The following HIP1 variants were observed in gnomAD, a reference collection of about 807,000 sequenced individuals.
HIP1 encodes the protein huntingtin-interacting protein 1.
Under a neutral mutation model 147.6 loss-of-function variants are expected in HIP1, and 65 were observed. That is an observed-to-expected ratio of 0.44 (90% CI 0.36 to 0.54). The LOEUF (loss-of-function observed/expected upper bound fraction) is 0.54. Among genes scored for constraint, HIP1 ranks in the 20% least tolerant of loss-of-function variants. The probability of loss-of-function intolerance (pLI) is 0.00; values close to 1 mark genes in which losing one functional copy is unlikely to be tolerated. For synonymous variants in HIP1, 479 were observed against 504.0 expected (o/e 0.95, Z 0.67); for missense variants, 1,061 against 1,299.6 (o/e 0.82, Z 2.82).
At chr7:75,691,886 G>A (rs1312808912) in intron 1 of HIP1, among the ~76,000 whole-genome samples, 5 of 152,138 alleles carry the variant, frequency 3.3e-5, no homozygotes, top group Non-Finnish European at 7.4e-5. Flanking sequence ...AGGGGACAGA[G>A]GAATAGGGAG....
At chr7:75,665,929 A>T (rs1554514569) in intron 1 of HIP1, among the ~76,000 whole-genome samples, 1 of 152,044 alleles carries the variant, frequency 6.6e-6, no homozygotes, top group Non-Finnish European at 1.5e-5. Flanking sequence ...TGGCAATGTG[A>T]AAAAAACCAA....
At chr7:75,551,613 ACT>A (rs1794786359) in intron 22 of HIP1, among the ~76,000 whole-genome samples, 1 of 151,778 alleles carries the variant, frequency 6.6e-6, no homozygotes, top group African/African-American at 2.4e-5. Flanking sequence ...TGCAGAGTAC[ACT>A]CTGCAATTCA....
At position 75,664,010 on chromosome 7, in the gene HIP1, A is replaced by ATATATACACATATATGTG. The variant is rs1255819281; in HGVS notation, c.121-64781_121-64764dup. ...TATATATATACACATATATGTGTAT[A>ATATATACACATATATGTG]TATATACACATATATGTGTATATAT... On this transcript the variant is annotated intron_variant, in intron 1 of 30. Transcript: ENST00000336926. 2.7e-4 allele frequency among the ~76,000 whole-genome samples: 7 copies of ATATATACACATATATGTG among 26,274 alleles called. 1 individual carries two copies. The highest frequency in any genetic ancestry group is 1.4e-3 in the African/African-American group (3 of 2,144). 17.2% of individuals were successfully genotyped at this position (26,274 alleles called of 152,430 possible).
intron 1 of HIP1, among the ~76,000 whole-genome samples, chr7:75,616,085 C>CAAAAAAAAA (rs71098042): frequency 0.13 from 4,686 of 35,008 alleles, 707 homozygotes; most frequent in Non-Finnish European, 0.19. Flanking sequence ...GACTCTGTCT[C>CAAAAAAAAA]AAAAAAAAAA....
At position 75,533,431 on chromosome 7, in the gene HIP1, T is replaced by C. The variant is rs1793976100; in HGVS notation, c.*4741A>G. ...CCAGTGGCCACCTGCCCTGGGAAGG[T>C]AGGCACTCAGTGAAAAATGAAATTC... is the stretch of plus-strand genomic sequence containing the variant. On this transcript the variant is annotated 3_prime_UTR_variant, in exon 31 of 31. Coordinates refer to ENST00000336926, the MANE Select transcript of HIP1 (RefSeq NM_005338.7). The C allele has an allele frequency of 4.3e-6, 1 of 231,516 alleles. No individual in the cohort carries two copies. The highest frequency in any genetic ancestry group is 6.1e-5 in the East Asian group (1 of 16,306). The allele number at this position is 231,516 out of a possible 1,614,324, so 14.3% of individuals were successfully genotyped here. A position where few individuals can be genotyped will look rare whatever the true frequency, so the allele number is the denominator to read the frequency against.
chr7:75,575,019 G>T (rs1381559882), intron 7 of HIP1, among the ~76,000 whole-genome samples: 1 of 151,814 alleles, frequency 6.6e-6, no homozygotes, highest in African/African-American at 2.4e-5. Flanking sequence ...TTAGCCAGGC[G>T]TGATGGCTCA....
intron 1 of HIP1, among the ~76,000 whole-genome samples, chr7:75,682,378 T>A (rs1425692463): frequency 6.6e-6 from 1 of 151,482 alleles, no homozygotes; most frequent in Non-Finnish European, 1.5e-5. Flanking sequence ...CGCCTCAGCC[T>A]CCTCAGTAGC....
chr7:75,604,032 T>A (rs1245548882), intron 1 of HIP1, among the ~76,000 whole-genome samples: 1 of 152,136 alleles, frequency 6.6e-6, no homozygotes, highest in African/African-American at 2.4e-5. Context: ...GACAGAACTG[T>A]CCCAAGCACT....
chr7:75,714,130 C>T (rs140973471), intron 1 of HIP1, among the ~76,000 whole-genome samples: 1,865 of 151,974 alleles, frequency 0.012, 29 homozygotes, highest in Middle Eastern at 0.027. Context: ...ACCTCTGCCT[C>T]CCGGGTTTAA....
At chr7:75,616,376 C>T (rs1554506015) in intron 1 of HIP1, among the ~76,000 whole-genome samples, 3 of 151,924 alleles carry the variant, frequency 2.0e-5, no homozygotes, top group South Asian at 4.1e-4. Context: ...TTCATGCAAT[C>T]GTCCCACCTC....
chr7:75,666,349 C>T (rs990010376), intron 1 of HIP1, among the ~76,000 whole-genome samples: 3 of 151,764 alleles, frequency 2.0e-5, no homozygotes, highest in Admixed American at 2.0e-4. Flanking sequence ...TTTGTACATT[C>T]AGTAGAGACA....
rs1794155040 is a variant in HIP1, at chr7:75,538,113, T to A, written c.*59A>T. The A allele has an allele frequency of 7.0e-7, 1 of 1,420,586 alleles. No homozygotes were observed. The allele number at this position is 1,420,586 out of a possible 1,614,324, so 88.0% of individuals were successfully genotyped here. On this transcript the variant is annotated 3_prime_UTR_variant, in exon 31 of 31. Coordinates refer to ENST00000336926, the MANE Select transcript of HIP1 (RefSeq NM_005338.7). ...AGGATTTGGCCTGTGGCTGGGGAAA[T>A]AACACACACGAGATAGGTAACAAGG...
At chr7:75,710,114 T>A (rs2117349075) in intron 1 of HIP1, among the ~76,000 whole-genome samples, 1 of 152,242 alleles carries the variant, frequency 6.6e-6, no homozygotes, top group East Asian at 1.9e-4. Flanking sequence ...CCCAGACTGG[T>A]CTTGAACTCC....
At chr7:75,623,816 C>T (rs1014961669) in intron 1 of HIP1, among the ~76,000 whole-genome samples, 3 of 152,194 alleles carry the variant, frequency 2.0e-5, no homozygotes, top group African/African-American at 7.2e-5. Context: ...CTTGTAATCC[C>T]AGCACTTTGG....
At chr7:75,634,329 T>G (rs888336646) in intron 1 of HIP1, among the ~76,000 whole-genome samples, 2 of 151,896 alleles carry the variant, frequency 1.3e-5, no homozygotes, top group East Asian at 3.9e-4. Flanking sequence ...TAGACACTCA[T>G]CCTTCTTTCC....
intron 1 of HIP1, among the ~76,000 whole-genome samples, chr7:75,676,781 A>AG (rs200988117): frequency 4.3e-4 from 11 of 25,720 alleles, no homozygotes; most frequent in South Asian, 1.1e-3. Flanking sequence ...CATCTCAAAG[A>AG]AAAAAAAAAA....
chr7:75,670,032 C>T (rs1799686846), intron 1 of HIP1, among the ~76,000 whole-genome samples: 3 of 152,188 alleles, frequency 2.0e-5, no homozygotes, highest in Non-Finnish European at 4.4e-5. Context: ...AACTCCTGAC[C>T]TCAGGTGATC....
intron 1 of HIP1, among the ~76,000 whole-genome samples, chr7:75,646,463 C>T (rs1266041972): frequency 2.0e-5 from 3 of 152,260 alleles, no homozygotes; most frequent in Non-Finnish European, 2.9e-5. Context: ...CACTCACCTG[C>T]AGCGTGCCAG....
intron 1 of HIP1, among the ~76,000 whole-genome samples, chr7:75,726,284 A>ATTT (rs60658791): frequency 2.2e-4 from 32 of 147,476 alleles, no homozygotes; most frequent in Admixed American, 6.1e-4. Context: ...GTGCCTGGGC[A>ATTT]TTTTTTTTTT....
Sources: allele counts gnomAD v4.1 joint callset (sites outside exome capture counted in the v4.1 genomes callset), GRCh38; gene constraint gnomAD v4.1.1; transcripts MANE v1.5; gene names NCBI Gene and HGNC (gene_info 2026-07-23, HGNC 2026-07-21).